The following HEATR3 variants were observed in gnomAD, a reference collection of about 807,000 sequenced individuals.
HEATR3 encodes HEAT repeat-containing protein 3.
In HEATR3, 56 loss-of-function variants were observed where a neutral mutation model predicts 72.8. The observed-to-expected ratio is 0.77, with a 90% CI of 0.62 to 0.96. The LOEUF (loss-of-function observed/expected upper bound fraction) is 0.96, where lower values mean the gene tolerates loss of function less well. Ranked by LOEUF, HEATR3 falls within the 40% of genes least tolerant of loss-of-function variation. HEATR3 has a pLI of 0.00. For synonymous variants in HEATR3, 331 were observed against 318.1 expected, an observed-to-expected ratio of 1.04 and a Z score of -0.43; for missense variants, 747 against 831.4, an observed-to-expected ratio of 0.90 and a Z score of 1.25.
intron 7 of HEATR3, among the ~76,000 whole-genome samples, chr16:50,082,640 G>T (rs1387351114): frequency 1.3e-5 from 2 of 150,878 alleles, no homozygotes. Context: ...AAGCCACTGG[G>T]GCTGGACATG....
intron 11 of HEATR3, among the ~76,000 whole-genome samples, chr16:50,093,447 C>T (rs940884334): frequency 6.6e-6 from 1 of 152,216 alleles, no homozygotes; most frequent in African/African-American, 2.4e-5. Context: ...TCCCACCTCC[C>T]ACCTGGGGAC....
At position 50,102,332 on chromosome 16, in the gene HEATR3, C is replaced by T; in HGVS notation, c.1817C>T (p.Ala606Val). Residue 606 changes from alanine (A) to valine (V), a missense_variant, in exon 14 of 15, where the codon GCC (alanine) becomes GTC (valine). Physicochemically the swap from Ala to Val is moderately conservative, Grantham distance 64 (BLOSUM62 0). Coordinates refer to ENST00000299192, the MANE Select transcript of HEATR3 (RefSeq NM_182922.4). ...GTGGTAGCAGGAGAAGCTTTGGATG[C>T]CCTCTTTGATGTTTTTGCAGATGGT... ...SLVVAGEALD[A>V]LFDVFADGKE... 6.2e-7 allele frequency: 1 copy of T among 1,613,972 alleles called. No homozygotes were observed. The highest frequency in any genetic ancestry group is 8.5e-7 in the Non-Finnish European group (1 of 1,179,884).
rs1290222720 is a variant in HEATR3, at chr16:50,104,997, T to C, written c.1979T>C (p.Val660Ala). Residue 660 changes from valine (V) to alanine (A), a missense_variant, in exon 15 of 15, where the codon GTG becomes GCG. Physicochemically the swap from Val to Ala is moderately conservative, Grantham distance 64 (BLOSUM62 0). Transcript: ENST00000299192. Reference sequence around the variant, plus strand: ...GATCAGCTGTGTGTTCTTGACAATGTGAAAATGAATTTGCGAAGATTTATT... The same window carrying C: ...GATCAGCTGTGTGTTCTTGACAATGCGAAAATGAATTTGCGAAGATTTATT... ...STDQLCVLDNVKMNLRRFIAY... is the reference protein window; with the variant it reads ...STDQLCVLDNAKMNLRRFIAY... The C allele has an allele frequency of 6.2e-6, 10 of 1,613,236 alleles. No homozygotes were observed. Among genetic ancestry groups the C allele is most frequent in the Non-Finnish European group, 8.5e-6 (10 of 1,179,618 alleles).
Position 50,078,882 on chromosome 16 carries a change from G to A in HEATR3, c.905G>A (p.Arg302Lys), listed in dbSNP as rs942760359. The change falls in exon 7 of 15, where the codon AGG becomes AAG. Residue 302 changes from arginine to lysine, a missense_variant. This residue lies in a region of HEATR3 where 586 missense variants were observed against 708.8 expected (regional missense o/e 0.83). Transcript: ENST00000299192. ...VIQMKEAETQ[R>K]LKTAAEAEEI... The stretch of plus-strand genomic sequence containing the variant: ...CAAATGAAAGAGGCTGAAACGCAAA[G>A]GTTAAAAACTGCTGCAGAGGCTGAG... The A allele has an allele frequency of 1.2e-6, 2 of 1,613,972 alleles. No individual in the cohort carries two copies. Among genetic ancestry groups the A allele is most frequent in the Admixed American group, 1.7e-5 (1 of 59,986 alleles).
At chr16:50,099,375 CG>C (rs2037317117) in intron 12 of HEATR3, among the ~76,000 whole-genome samples, 1 of 152,086 alleles carries the variant, frequency 6.6e-6, no homozygotes, top group Non-Finnish European at 1.5e-5. Flanking sequence ...GAGCCTGAGG[CG>C]GGAGGATTGC....
intron 2 of HEATR3, among the ~76,000 whole-genome samples, chr16:50,068,261 TC>T (rs2036540643): frequency 6.6e-6 from 1 of 152,188 alleles, no homozygotes; most frequent in Non-Finnish European, 1.5e-5. Context: ...TTAGGGGGTG[TC>T]ATTCTCAGTA....
chr16:50,100,616 A>G, intron 13 of HEATR3: 1 of 456,938 alleles, frequency 2.2e-6, no homozygotes, highest in Non-Finnish European at 3.8e-6. Flanking sequence ...GTACTTTTTT[A>G]AAAAAATAAA....
chr16:50,087,845 G>C (rs775284445), intron 11 of HEATR3, among the ~76,000 whole-genome samples: 1 of 152,156 alleles, frequency 6.6e-6, no homozygotes, highest in Non-Finnish European at 1.5e-5. Context: ...TAAAAGATCA[G>C]GCCAGGCGCG....
chr16:50,094,161 C>T (rs552290994), intron 11 of HEATR3, among the ~76,000 whole-genome samples: 7 of 152,246 alleles, frequency 4.6e-5, no homozygotes, highest in East Asian at 3.9e-4. Context: ...CTGTTTGTCC[C>T]GTGTGGGAAG....
At chr16:50,084,109 T>G in intron 8 of HEATR3, 25 bp from the exon 9 acceptor site, 9 of 1,614,182 alleles carry the variant, frequency 5.6e-6, no homozygotes, top group Middle Eastern at 1.6e-4. Context: ...CTATTCCAGT[T>G]CTGCGTGGTT....
rs770748813 is a variant in HEATR3, at chr16:50,084,237, C to G, written c.1236C>G (p.Leu412=). The G allele has an allele frequency of 1.2e-6, 2 of 1,614,206 alleles. No individual in the cohort carries two copies. The highest frequency in any genetic ancestry group is 1.1e-5 in the South Asian group (1 of 91,088). Reference sequence around the variant, plus strand: ...GCGGGGGACAGCTGTTTTCTCCCCTCTGCCTCTCCCATGAAGTTCACACGG... The same window carrying G: ...GCGGGGGACAGCTGTTTTCTCCCCTGTGCCTCTCCCATGAAGTTCACACGG... ...SECGGQLFSP[L]CLSHEVHTAL... The change falls in exon 9 of 15, where the codon CTC becomes CTG. Residue 412 remains leucine (L), a synonymous_variant. Coordinates refer to ENST00000299192, the MANE Select transcript of HEATR3 (RefSeq NM_182922.4).
chr16:50,086,510 CA>C (rs1399187453), intron 11 of HEATR3, among the ~76,000 whole-genome samples, 159 bp downstream of exon 11: 7 of 152,152 alleles, frequency 4.6e-5, no homozygotes, highest in Non-Finnish European at 8.8e-5. Context: ...GGTACAGAGT[CA>C]AAACGAGGTA....
chr16:50,081,457 C>T (rs760470517), intron 7 of HEATR3, among the ~76,000 whole-genome samples: 4 of 151,786 alleles, frequency 2.6e-5, no homozygotes, highest in Non-Finnish European at 5.9e-5. Flanking sequence ...AAAAATAAAA[C>T]TAAATACAAA....
Position 50,066,226 on chromosome 16 carries a change from G to T in HEATR3, c.95G>T (p.Gly32Val). Reference sequence around the variant, plus strand: ...GCGGCTGCGGCGGCGAATGGGACCGGAGGCGAGGAGGACGACGGGCCGGCG... The same window carrying T: ...GCGGCTGCGGCGGCGAATGGGACCGTAGGCGAGGAGGACGACGGGCCGGCG... ...AEAAAAANGT[G>V]GEEDDGPAAE... The change falls in exon 1 of 15, where the codon GGA becomes GTA. Residue 32 changes from glycine to valine, a missense_variant. This residue lies in a region of HEATR3 where 161 missense variants were observed against 122.6 expected (regional missense o/e 1.31). Coordinates refer to ENST00000299192, the MANE Select transcript of HEATR3 (RefSeq NM_182922.4). 6.4e-7 allele frequency: 1 copy of T among 1,573,004 alleles called. No individual in the cohort carries two copies. Among genetic ancestry groups the T allele is most frequent in the Non-Finnish European group, 8.6e-7 (1 of 1,161,176 alleles).
intron 7 of HEATR3, chr16:50,080,397 A>G (rs2036841379): frequency 6.6e-6 from 1 of 151,068 alleles, no homozygotes. Flanking sequence ...CTGCAGTGCA[A>G]TGGTGTGATC....
At chr16:50,090,871 G>A (rs557398561) in intron 11 of HEATR3, among the ~76,000 whole-genome samples, 15 of 152,128 alleles carry the variant, frequency 9.9e-5, no homozygotes, top group Non-Finnish European at 1.9e-4. Context: ...GTGGCTGGGC[G>A]CGGTGGCTCA....
At position 50,072,698 on chromosome 16, in the gene HEATR3, CCTGG is replaced by C. The variant is rs1403770024; in HGVS notation, c.609_612del (p.Ala204PhefsTer3). 1.3e-6 allele frequency: 2 copies of C among 1,588,118 alleles called. No individual in the cohort carries two copies. The highest frequency in any genetic ancestry group is 1.3e-5 in the African/African-American group (1 of 74,692). On this transcript the variant is annotated frameshift_variant, in exon 5 of 15. Transcript: ENST00000299192. LOFTEE classifies it high-confidence loss of function. ...TAAGTAGGTTTCCTACCAATGTTGACCTGGCTATTTCAGTAGGTAAGTGAAGAAA... is the reference window on the plus strand; with the variant it reads ...TAAGTAGGTTTCCTACCAATGTTGACCTATTTCAGTAGGTAAGTGAAGAAA...
At chr16:50,098,902 T>C (rs1014770993) in intron 12 of HEATR3, among the ~76,000 whole-genome samples, 3 of 152,098 alleles carry the variant, frequency 2.0e-5, no homozygotes, top group African/African-American at 7.2e-5. Context: ...AGTATCAAAA[T>C]AACAATGCTC....
At position 50,105,389 on chromosome 16, in the gene HEATR3, G is replaced by A; in HGVS notation, c.*328G>A. ...AGGGAGGAGAGTCGGTTGAACCTGGGAGACAGAGGTTGCAGTGAGCTGAGA... is the reference window on the plus strand; with the variant it reads ...AGGGAGGAGAGTCGGTTGAACCTGGAAGACAGAGGTTGCAGTGAGCTGAGA... On this transcript the variant is annotated 3_prime_UTR_variant, in exon 15 of 15. Transcript: ENST00000299192. The A allele has an allele frequency of 5.5e-5, 14 of 256,238 alleles. No individual in the cohort carries two copies. Among genetic ancestry groups the A allele is most frequent in the Non-Finnish European group, 8.9e-5 (12 of 134,962 alleles). The allele number at this position is 256,238 out of a possible 1,614,324, so 15.9% of individuals were successfully genotyped here. A position where few individuals can be genotyped will look rare whatever the true frequency, so the allele number is the denominator to read the frequency against.
Sources: gnomAD v4.1 joint callset for allele counts (sites outside exome capture counted in the v4.1 genomes callset) on GRCh38, gnomAD v4.1.1 for gene constraint, gnomAD v4.1.1 regional missense constraint, MANE v1.5 for transcripts, NCBI Gene and HGNC (gene_info 2026-07-23, HGNC 2026-07-21) for gene names.